Variants in SIK3 observed in about 807,000 individuals in gnomAD.
SIK3 encodes the protein SIK family kinase 3.
A neutral mutation model predicts 144.2 loss-of-function variants in SIK3; 28 were observed. The observed-to-expected ratio is 0.19, with a 90% CI of 0.14 to 0.27. The LOEUF is 0.27. SIK3 is among the 10% of genes least tolerant of loss of function. The pLI, the probability that SIK3 is intolerant of heterozygous loss-of-function variation, is 1.00. For missense variants in SIK3, 1,319 were observed against 1,776.0 expected (o/e 0.74, Z 4.62); for synonymous variants, 686 against 676.3 (o/e 1.01, Z -0.22).
intron 6 of SIK3, among the ~76,000 whole-genome samples, chr11:116,889,023 A>G (rs568248604): frequency 1.3e-5 from 2 of 152,344 alleles, no homozygotes; most frequent in African/African-American, 4.8e-5. Context: ...AGTTGCTCAC[A>G]GGAAACACTG....
intron 1 of SIK3, among the ~76,000 whole-genome samples, chr11:116,971,692 A>C (rs1465884680): frequency 6.6e-6 from 1 of 152,196 alleles, no homozygotes; most frequent in Non-Finnish European, 1.5e-5. Flanking sequence ...CCAAAATCCC[A>C]ATCACCGTAT....
At chr11:116,894,986 T>C (rs987682731) in intron 6 of SIK3, among the ~76,000 whole-genome samples, 1 of 152,192 alleles carries the variant, frequency 6.6e-6, no homozygotes, top group Non-Finnish European at 1.5e-5. Flanking sequence ...TTTTTGTATG[T>C]TTGAAATTTT....
rs201189069 is a variant in SIK3 at position 116,913,930 on chromosome 11, AC to A, written c.616+13288del. Among the ~76,000 whole-genome samples the A allele has an allele frequency of 7.0e-3, 1,072 of 152,182 alleles. 12 individuals carry two copies. Among genetic ancestry groups the A allele is most frequent in the African/African-American group, 0.024 (996 of 41,520 alleles). On this transcript the variant is annotated intron_variant, in intron 4 of 24. Coordinates refer to ENST00000445177, the MANE Select transcript of SIK3 (RefSeq NM_001366686.3). ...TAAACAAAAAACCACAAACAAAAAA[AC>A]AAAACAAAAACCTTTTTCCAAATTA...
intron 2 of SIK3, among the ~76,000 whole-genome samples, chr11:116,955,772 T>C (rs987156457): frequency 1.3e-5 from 2 of 152,138 alleles, no homozygotes; most frequent in Non-Finnish European, 1.5e-5. Flanking sequence ...GGGCAGAAGG[T>C]AGGCGTTGTT....
intron 3 of SIK3, among the ~76,000 whole-genome samples, chr11:116,946,370 C>A (rs1183077300): frequency 6.6e-6 from 1 of 151,170 alleles, no homozygotes; most frequent in Admixed American, 6.6e-5. Context: ...TTGTCACTTA[C>A]GGCACAGCAA....
intron 1 of SIK3, among the ~76,000 whole-genome samples, chr11:117,052,500 T>C (rs1314146832): frequency 6.6e-6 from 1 of 152,202 alleles, no homozygotes; most frequent in Non-Finnish European, 1.5e-5. Context: ...TTCTGAGCTC[T>C]CTATCATGTT....
chr11:117,059,901 T>C (rs1261780637), intron 1 of SIK3, among the ~76,000 whole-genome samples: 3 of 152,192 alleles, frequency 2.0e-5, no homozygotes, highest in Admixed American at 2.0e-4. Flanking sequence ...TTACTGCTGG[T>C]GGGAAAGCAA....
intron 3 of SIK3, 38 bp downstream of exon 3, chr11:116,954,006 C>T: frequency 6.4e-7 from 1 of 1,560,348 alleles, no homozygotes; most frequent in Non-Finnish European, 8.8e-7. Flanking sequence ...CCATAGTGTG[C>T]TCAATAGCTG....
rs368178782 is a variant in SIK3 at position 116,860,384 on chromosome 11, GGA to G, written c.2426-782_2426-781del. On this transcript the variant is annotated intron_variant, in intron 19 of 24. Coordinates refer to ENST00000445177, the MANE Select transcript of SIK3 (RefSeq NM_001366686.3). The stretch of plus-strand genomic sequence containing the variant: ...TTCAGACTCTTCTCAAGGATCCTAG[GGA>G]GACTGACTAGGGACGTAGCTCGTGG... 1.8e-4 allele frequency among the ~76,000 whole-genome samples: 28 copies of G among 152,230 alleles called. No homozygotes were observed. The East Asian group carries it at 4.4e-3, about 24-fold the overall frequency.
chr11:116,896,356 G>A lies in SIK3; in HGVS notation c.762C>T (p.Tyr254=), dbSNP rs200927823. 11 of 1,613,824 alleles carry A rather than the reference G, an allele frequency of 6.8e-6. No homozygotes were observed. The highest frequency in any genetic ancestry group is 1.6e-4 in the Middle Eastern group (1 of 6,072). The change falls in exon 6 of 25, where the codon TAC becomes TAT. Residue 254 remains tyrosine, a synonymous_variant. Coordinates refer to ENST00000445177, the MANE Select transcript of SIK3 (RefSeq NM_001366686.3). ...VDIWSLGVVL[Y]VLVCGALPFD... Reference sequence around the variant, plus strand: ...ATGGCAGGGCACCGCACACAAGCACGTAGAGGACAACTCCAAGGCTCTGCA... The same window carrying A: ...ATGGCAGGGCACCGCACACAAGCACATAGAGGACAACTCCAAGGCTCTGCA...
intron 6 of SIK3, among the ~76,000 whole-genome samples, chr11:116,888,983 G>A (rs1386282260): frequency 1.3e-5 from 2 of 152,222 alleles, no homozygotes; most frequent in African/African-American, 2.4e-5. Context: ...ATGGTGTGAG[G>A]TGATGGGGGT....
At chr11:117,045,145 G>A (rs1466870863) in intron 1 of SIK3, among the ~76,000 whole-genome samples, 1 of 152,128 alleles carries the variant, frequency 6.6e-6, no homozygotes, top group Non-Finnish European at 1.5e-5. Flanking sequence ...GACAGAATCA[G>A]TCTTCTATTC....
rs758240119 is a variant in SIK3, at chr11:116,873,498, G to A, written c.1720C>T (p.Leu574Phe). 1 of 1,614,148 alleles carries A rather than the reference G, an allele frequency of 6.2e-7. No homozygotes were observed. The highest frequency in any genetic ancestry group is 8.5e-7 in the Non-Finnish European group (1 of 1,180,000). ...CTACTCACTGGTGTCATGGTGACAA[G>A]CGGAGAGGGTCCCCGTGGGCGCTTC... ...LLKRPRGPSP[L>F]VTMTPAVPAV... is the part of the protein sequence containing the mutation. Residue 574 changes from leucine to phenylalanine, a missense_variant, in exon 13 of 25, where the codon CTT becomes TTT. Transcript: ENST00000445177.
At chr11:116,881,530 G>A (rs1944548976) in intron 6 of SIK3, among the ~76,000 whole-genome samples, 1 of 152,134 alleles carries the variant, frequency 6.6e-6, no homozygotes, top group Non-Finnish European at 1.5e-5. Flanking sequence ...ATCTGTGAAA[G>A]CAACATTTTT....
intron 6 of SIK3, 114 bp from the exon 7 acceptor site, chr11:116,877,156 T>G: frequency 1.2e-6 from 1 of 849,380 alleles, no homozygotes; most frequent in Middle Eastern, 2.2e-4. Flanking sequence ...CTTCTAATTT[T>G]GTCTCTCTTG....
chr11:116,907,305 A>G (rs1946091844), intron 4 of SIK3, among the ~76,000 whole-genome samples: 1 of 152,214 alleles, frequency 6.6e-6, no homozygotes, highest in African/African-American at 2.4e-5. Context: ...AGCATCATGT[A>G]TGTGTTTATA....
intron 1 of SIK3, among the ~76,000 whole-genome samples, chr11:117,050,452 G>A (rs578134153): frequency 9.4e-4 from 143 of 152,060 alleles, no homozygotes; most frequent in African/African-American, 3.2e-3. Flanking sequence ...TTGGGAGGCA[G>A]AGGCGGGCAG....
chr11:116,911,205 T>A (rs1946325790), intron 4 of SIK3, among the ~76,000 whole-genome samples: 1 of 152,206 alleles, frequency 6.6e-6, no homozygotes, highest in South Asian at 2.1e-4. Flanking sequence ...CTACTTGATG[T>A]GCACTCATTA....
chr11:116,875,992 G>C lies in SIK3; in HGVS notation c.1113C>G (p.Ala371=), dbSNP rs748506594. ...EQTLQSLRSD[A]YDHYSAIYSL... is the part of the protein sequence containing the mutation. Reference sequence around the variant, plus strand: ...TGTAGATTGCACTATAGTGATCATAGGCATCTGATCTTAATGACTACCAAG... The same window carrying C: ...TGTAGATTGCACTATAGTGATCATACGCATCTGATCTTAATGACTACCAAG... The change falls in exon 9 of 25, where the codon GCC becomes GCG. Residue 371 remains alanine (A), a synonymous_variant. Transcript: ENST00000445177. 6.2e-7 allele frequency: 1 copy of C among 1,613,398 alleles called. No homozygotes were observed. Among genetic ancestry groups the C allele is most frequent in the South Asian group, 1.1e-5 (1 of 91,004 alleles).
Sources: allele counts gnomAD v4.1 joint callset (sites outside exome capture counted in the v4.1 genomes callset), GRCh38; gene constraint gnomAD v4.1.1; transcripts MANE v1.5; gene names NCBI Gene and HGNC (gene_info 2026-07-23, HGNC 2026-07-21).